The following ANK2 variants were observed in gnomAD, a reference collection of about 807,000 sequenced individuals.
The protein encoded by ANK2 is ankyrin-2.
ANK2 carries 83 observed loss-of-function variants against 360.5 expected under a neutral mutation model. The ratio of observed to expected loss-of-function variants is 0.23; its 90% CI spans 0.19 to 0.28. The LOEUF (loss-of-function observed/expected upper bound fraction) is 0.28. Ranked by LOEUF, ANK2 falls within the 10% of genes least tolerant of loss-of-function variation. ANK2 has a pLI of 1.00. For synonymous variants in ANK2, 1,740 were observed against 1,759.5 expected (o/e 0.99, Z 0.28); for missense variants, 4,201 against 4,795.7 (o/e 0.88, Z 3.66).
chr4:113,219,330 C>T (rs938403132), intron 4 of ANK2, among the ~76,000 whole-genome samples: 3 of 151,764 alleles, frequency 2.0e-5, no homozygotes, highest in Non-Finnish European at 2.9e-5. Context: ...ACTTTTATAA[C>T]AAATTGGGTA....
the ANK2 span, among the ~76,000 whole-genome samples, chr4:112,776,703 G>A: frequency 6.6e-6 from 1 of 152,128 alleles, no homozygotes; most frequent in Non-Finnish European, 1.5e-5. Flanking sequence ...TCATCACATT[G>A]TAATAAAAAT....
rs114921164 is a variant in ANK2 at position 112,881,882 on chromosome 4, C to T, written c.-39-22573C>T. On this transcript the variant is annotated intron_variant, in intron 1 of 30. Transcript: ENST00000503271. Reference sequence around the variant, plus strand: ...GTTTTTGAGAATATTCTCTTGAGACCGCTCTCTTTGGTTCCACAACTCTCC... The same window carrying T: ...GTTTTTGAGAATATTCTCTTGAGACTGCTCTCTTTGGTTCCACAACTCTCC... 2,624 of 731,162 alleles carry T rather than the reference C, an allele frequency of 3.6e-3. 40 individuals carry two copies. The African/African-American group carries it at 0.039, about 11-fold the overall frequency. The allele number at this position is 731,162 out of a possible 1,614,324, so 45.3% of individuals were successfully genotyped here.
At chr4:113,051,271 G>A (rs867402511) in intron 1 of ANK2, among the ~76,000 whole-genome samples, 16 of 152,092 alleles carry the variant, frequency 1.1e-4, no homozygotes, top group East Asian at 1.9e-4. Context: ...TCAAAATCCC[G>A]TATTTTCTCT....
chr4:113,251,319 A>G (rs937135294), intron 10 of ANK2, among the ~76,000 whole-genome samples: 3 of 152,092 alleles, frequency 2.0e-5, no homozygotes, highest in Non-Finnish European at 4.4e-5. Flanking sequence ...AAAATCAAGT[A>G]TCATTCAAAT....
Position 113,357,015 on chromosome 4 carries a change from T to C in ANK2, c.8397T>C (p.Asp2799=), listed in dbSNP as rs779002619. ...CAGGTCTACAGAGTCCGACTGGTGA[T>C]GATGTTGATGAACAGCCAGTCATCT... is the stretch of plus-strand genomic sequence containing the variant. ...VSSGLQSPTG[D]DVDEQPVIYK... is the part of the protein sequence containing the mutation. Residue 2799 remains aspartate, a synonymous_variant, in exon 38 of 46, where the codon GAT becomes GAC. Coordinates refer to ENST00000357077, the MANE Select transcript of ANK2 (RefSeq NM_001148.6). 5.0e-6 allele frequency: 8 copies of C among 1,613,954 alleles called. No homozygotes were observed. The East Asian group carries it at 1.8e-4, about 36-fold the overall frequency.
the ANK2 span, among the ~76,000 whole-genome samples, chr4:112,725,553 T>G: frequency 6.6e-6 from 1 of 151,272 alleles, no homozygotes; most frequent in Non-Finnish European, 1.5e-5. Flanking sequence ...AGAAACAGGG[T>G]TTCACCATGT....
In ANK2 at chr4:113,358,982, G is replaced by C. The variant is rs533201814; in HGVS notation, c.10364G>C (p.Gly3455Ala). Residue 3455 changes from glycine to alanine, a missense_variant, in exon 38 of 46, where the codon GGG (glycine) becomes GCG (alanine). Around this residue, in one of 4 missense-constraint regions of ANK2, gnomAD observed 2,642 missense variants for 2,714.5 expected, o/e 0.97. Transcript: ENST00000357077. ...AGAAGCACTACATCTTCCTGCAGGG[G>C]GGGCACGAGCCCCACAAAAGAAAGT... ...KSRSTTSSCR[G>A]GTSPTKESKE... 2.5e-6 allele frequency: 4 copies of C among 1,614,092 alleles called. No homozygotes were observed. Among genetic ancestry groups the C allele is most frequent in the Admixed American group, 3.3e-5 (2 of 60,004 alleles).
intron 29 of ANK2, among the ~76,000 whole-genome samples, chr4:113,334,994 A>G (rs2093298780): frequency 6.6e-6 from 1 of 152,106 alleles, no homozygotes; most frequent in East Asian, 1.9e-4. Context: ...ATGCCCAATA[A>G]TCAAGAAAAA....
chr4:112,827,080 A>G, intron 1 of ANK2: 1 of 1,162,254 alleles, frequency 8.6e-7, no homozygotes, highest in Non-Finnish European at 1.3e-6. Flanking sequence ...CACCCATGCA[A>G]CACAGGAAAA....
chr4:112,971,059 T>C (rs1378258625), intron 2 of ANK2, among the ~76,000 whole-genome samples: 1 of 152,184 alleles, frequency 6.6e-6, no homozygotes, highest in African/African-American at 2.4e-5. Flanking sequence ...TAAAATATCT[T>C]AAAGAATACT....
In ANK2 at chr4:112,927,184, G is replaced by A. The variant is rs1400387470; in HGVS notation, c.21+22670G>A. ...TTACAATTCAAGGTGAGATTTGGGT[G>A]GGGACACAGCCAAACCATATCACAT... is the stretch of plus-strand genomic sequence containing the variant. On this transcript the variant is annotated intron_variant, in intron 2 of 30. Transcript: ENST00000503271. Among the ~76,000 whole-genome samples the A allele has an allele frequency of 2.0e-5, 3 of 152,246 alleles. No homozygotes were observed. The East Asian group carries it at 5.8e-4, about 29-fold the overall frequency.
At chr4:113,253,642 C>T (rs2047693834) in intron 10 of ANK2, among the ~76,000 whole-genome samples, 1 of 152,148 alleles carries the variant, frequency 6.6e-6, no homozygotes, top group South Asian at 2.1e-4. Context: ...TTTCCACATT[C>T]TGTCACCAAA....
At chr4:112,733,336 C>T in the ANK2 span, among the ~76,000 whole-genome samples, 1 of 152,152 alleles carries the variant, frequency 6.6e-6, no homozygotes, top group Non-Finnish European at 1.5e-5. Context: ...AAGTGCCTCT[C>T]ACATGTAAAA....
chr4:113,117,909 G>A (rs2094983931), intron 1 of ANK2, among the ~76,000 whole-genome samples: 1 of 152,058 alleles, frequency 6.6e-6, no homozygotes, highest in African/African-American at 2.4e-5. Context: ...CCTCCTGGAG[G>A]TTTACACCCG....
chr4:112,800,686 C>T, the ANK2 span, among the ~76,000 whole-genome samples: 2 of 152,044 alleles, frequency 1.3e-5, no homozygotes, highest in Non-Finnish European at 2.9e-5. Context: ...GATGGAGTTT[C>T]GCTCTTGTTC....
chr4:112,883,114 C>T (rs1322460135), intron 1 of ANK2, among the ~76,000 whole-genome samples: 1 of 131,744 alleles, frequency 7.6e-6, no homozygotes, highest in Admixed American at 9.1e-5. Flanking sequence ...TCTTGGCTCA[C>T]TGCAACCTCC....
At chr4:113,207,505 C>G (rs1254396803) in intron 4 of ANK2, among the ~76,000 whole-genome samples, 1 of 151,844 alleles carries the variant, frequency 6.6e-6, no homozygotes, top group African/African-American at 2.4e-5. Flanking sequence ...TCTTTTTCTC[C>G]CCTTCTGAGT....
chr4:113,252,267 A>G (rs2046874626), intron 10 of ANK2, among the ~76,000 whole-genome samples: 2 of 152,152 alleles, frequency 1.3e-5, no homozygotes, highest in Non-Finnish European at 2.9e-5. Context: ...CTCCTGATTC[A>G]GTTATCTCCC....
At chr4:113,303,058 C>A (rs1353882042) in intron 23 of ANK2, among the ~76,000 whole-genome samples, 2 of 151,978 alleles carry the variant, frequency 1.3e-5, no homozygotes, top group Non-Finnish European at 2.9e-5. Context: ...TTTCTTTTTC[C>A]TAGCATTAAA....
Sources: gnomAD v4.1 joint callset for allele counts (sites outside exome capture counted in the v4.1 genomes callset) on GRCh38, gnomAD v4.1.1 for gene constraint, gnomAD v4.1.1 regional missense constraint, MANE v1.5 for transcripts, NCBI Gene and HGNC (gene_info 2026-07-23, HGNC 2026-07-21) for gene names.